GPAT4: variants seen among roughly 807,000 people sequenced by gnomAD.
GPAT4 encodes 1-AGP acyltransferase 6.
GPAT4 carries 17 observed loss-of-function variants against 58.0 expected under a neutral mutation model. The observed-to-expected ratio is 0.29, with a 90% CI of 0.20 to 0.44. The LOEUF (loss-of-function observed/expected upper bound fraction) is 0.44, where lower values mean the gene tolerates loss of function less well. Ranked by LOEUF, GPAT4 falls within the 20% of genes least tolerant of loss-of-function variation. The probability of loss-of-function intolerance (pLI) is 1.00; values close to 1 mark genes in which losing one functional copy is unlikely to be tolerated. For missense variants in GPAT4, 377 were observed against 574.5 expected (o/e 0.66, Z 3.51); for synonymous variants, 204 against 210.1 (o/e 0.97, Z 0.25).
At chr8:41,601,541 T>G (rs1803098794) in intron 2 of GPAT4, among the ~76,000 whole-genome samples, 2 of 152,124 alleles carry the variant, frequency 1.3e-5, no homozygotes, top group African/African-American at 4.8e-5. Flanking sequence ...TGGTGTCTGG[T>G]GTCTAGTGTC....
At chr8:41,614,585 G>T in intron 9 of GPAT4, 144 bp downstream of exon 9, 1 of 822,740 alleles carries the variant, frequency 1.2e-6, no homozygotes, top group Non-Finnish European at 1.9e-6. Flanking sequence ...TAGGTTGGAA[G>T]TAGGACTAAA....
At chr8:41,616,843 T>C (rs901563428) in intron 10 of GPAT4, among the ~76,000 whole-genome samples, 2 of 152,224 alleles carry the variant, frequency 1.3e-5, no homozygotes, top group African/African-American at 4.8e-5. Flanking sequence ...GTGAACTCTT[T>C]ATTGGTAATC....
intron 3 of GPAT4, 28 bp downstream of exon 3, chr8:41,609,513 G>A (rs1182366261): frequency 6.2e-7 from 1 of 1,612,446 alleles, no homozygotes; most frequent in African/African-American, 1.3e-5. Flanking sequence ...TCCTTGTCCT[G>A]AGAGGTCCAT....
At chr8:41,609,334 T>C in intron 2 of GPAT4, 82 bp from the exon 3 acceptor site, 1 of 1,422,588 alleles carries the variant, frequency 7.0e-7, no homozygotes, top group Non-Finnish European at 9.9e-7. Flanking sequence ...ACTGAGGCTT[T>C]CACAGAATAG....
At chr8:41,596,952 G>A (rs1330762222) in intron 1 of GPAT4, among the ~76,000 whole-genome samples, 1 of 152,180 alleles carries the variant, frequency 6.6e-6, no homozygotes, top group East Asian at 1.9e-4. Flanking sequence ...GATCGATTGA[G>A]CAAGCAGGGA....
chr8:41,591,144 G>T (rs527924036), intron 1 of GPAT4, among the ~76,000 whole-genome samples: 2 of 152,198 alleles, frequency 1.3e-5, no homozygotes, highest in Non-Finnish European at 2.9e-5. Flanking sequence ...GGGGGTACGT[G>T]ACTGGGGGCT....
rs914598492 is a variant in GPAT4, at chr8:41,614,183, A to C, written c.912-203A>C. ...TCGCACAGAATTGAACAGTTCTGTGAATTAAATGGTAACCTGATTTTTCTC... is the reference window on the plus strand; with the variant it reads ...TCGCACAGAATTGAACAGTTCTGTGCATTAAATGGTAACCTGATTTTTCTC... On this transcript the variant is annotated intron_variant, in intron 8 of 12. Transcript: ENST00000396987. Among the ~76,000 whole-genome samples, 2 of 152,230 alleles carry C rather than the reference A, an allele frequency of 1.3e-5. 1 individual carries two copies. The highest frequency in any genetic ancestry group is 1.3e-4 in the Admixed American group (2 of 15,286).
intron 1 of GPAT4, among the ~76,000 whole-genome samples, chr8:41,594,130 T>G (rs761276603): frequency 1.3e-5 from 2 of 152,254 alleles, no homozygotes; most frequent in Non-Finnish European, 2.9e-5. Flanking sequence ...TTTTATAATT[T>G]TTTGTTAAAG....
intron 8 of GPAT4, among the ~76,000 whole-genome samples, chr8:41,613,407 C>G (rs1585673568): frequency 6.6e-6 from 1 of 151,664 alleles, no homozygotes; most frequent in South Asian, 2.1e-4. Context: ...TATAGAAACC[C>G]TAGTATTATT....
At chr8:41,584,600 A>G (rs1802604182) in intron 1 of GPAT4, among the ~76,000 whole-genome samples, 1 of 152,226 alleles carries the variant, frequency 6.6e-6, no homozygotes, top group African/African-American at 2.4e-5. Context: ...AGTTGCTTCT[A>G]ATTACATATG....
chr8:41,602,733 C>T (rs1025924698), intron 2 of GPAT4, among the ~76,000 whole-genome samples: 1 of 152,140 alleles, frequency 6.6e-6, no homozygotes, highest in African/African-American at 2.4e-5. Flanking sequence ...TCTATTTAGG[C>T]TGCTATAACG....
intron 4 of GPAT4, chr8:41,610,256 A>G (rs1226941335): frequency 7.9e-7 from 1 of 1,271,516 alleles, no homozygotes; most frequent in Non-Finnish European, 9.9e-7. Flanking sequence ...GACATGGCTC[A>G]TTCTTTCCTG....
In GPAT4 at chr8:41,587,615, G is replaced by A. The variant is rs541963099; in HGVS notation, c.-849+9337G>A. ...TGTCCTGTGCATTGTAAGATGTGCA[G>A]CATCATCTCTGCCCTGCGCACTGCA... On this transcript the variant is annotated intron_variant, in intron 1 of 12. Transcript: ENST00000396987. Among the ~76,000 whole-genome samples the A allele has an allele frequency of 2.0e-5, 3 of 152,284 alleles. No homozygotes were observed. The South Asian group carries it at 6.2e-4, about 32-fold the overall frequency.
At chr8:41,581,638 T>TG (rs1278645636) in intron 1 of GPAT4, among the ~76,000 whole-genome samples, 108 of 147,872 alleles carry the variant, frequency 7.3e-4, no homozygotes, top group African/African-American at 2.6e-3. Context: ...TTTTTTTTTT[T>TG]TTTTTTTTGA....
At position 41,612,096 on chromosome 8, in the gene GPAT4, C is replaced by G. The variant is rs1045021109; in HGVS notation, c.702-84C>G. ...GACACTTCTGAGCTTTTAGTTAGAGCAGATGAAGCATGTGAGGTGAGAGGT... is the reference window on the plus strand; with the variant it reads ...GACACTTCTGAGCTTTTAGTTAGAGGAGATGAAGCATGTGAGGTGAGAGGT... On this transcript the variant is annotated intron_variant, in intron 6 of 12. Transcript: ENST00000396987. The G allele has an allele frequency of 2.5e-6, 4 of 1,583,750 alleles. No homozygotes were observed. In the African/African-American group the frequency reaches 5.4e-5, roughly 21 times the overall value.
chr8:41,621,213 G>T lies in GPAT4; in HGVS notation c.*212G>T, dbSNP rs1010538177. ...TGGTGGTCTAAACGGATGCTGCTGGGTGTTGCGACCCAGGACGAGATGCCT... is the reference window on the plus strand; with the variant it reads ...TGGTGGTCTAAACGGATGCTGCTGGTTGTTGCGACCCAGGACGAGATGCCT... On this transcript the variant is annotated 3_prime_UTR_variant, in exon 13 of 13. Coordinates refer to ENST00000396987, the MANE Select transcript of GPAT4 (RefSeq NM_178819.4). The T allele has an allele frequency of 2.0e-5, 13 of 638,416 alleles. No homozygotes were observed. Among genetic ancestry groups the T allele is most frequent in the Non-Finnish European group, 3.4e-5 (13 of 377,418 alleles). The allele number at this position is 638,416 out of a possible 1,614,324, so 39.5% of individuals were successfully genotyped here.
At chr8:41,620,776 G>GTA (rs1256054471) in intron 12 of GPAT4, 117 bp from the exon 13 acceptor site, 1 of 1,481,962 alleles carries the variant, frequency 6.7e-7, no homozygotes, top group Non-Finnish European at 9.0e-7. Flanking sequence ...GTGCCACGGG[G>GTA]TACCCTGTTT....
chr8:41,614,860 C>T (rs1235663917), intron 9 of GPAT4, 103 bp from the exon 10 acceptor site: 3 of 916,344 alleles, frequency 3.3e-6, no homozygotes, highest in Middle Eastern at 2.2e-4. Context: ...ACTGGAGGAA[C>T]CATTAGAAGA....
At chr8:41,582,866 A>G (rs1320408330) in intron 1 of GPAT4, among the ~76,000 whole-genome samples, 1 of 152,208 alleles carries the variant, frequency 6.6e-6, no homozygotes, top group East Asian at 1.9e-4. Flanking sequence ...CCAGCACCTG[A>G]AACATACATC....
Sources: gnomAD v4.1 joint callset for allele counts (sites outside exome capture counted in the v4.1 genomes callset) on GRCh38, gnomAD v4.1.1 for gene constraint, MANE v1.5 for transcripts, NCBI Gene and HGNC (gene_info 2026-07-23, HGNC 2026-07-21) for gene names.